MAPK14: variants seen among roughly 807,000 people sequenced by gnomAD.
MAPK14 encodes mitogen-activated protein kinase 14.
In MAPK14, 16 loss-of-function variants were observed where a neutral mutation model predicts 49.6. The observed-to-expected ratio is 0.32, with a 90% CI of 0.22 to 0.49. The LOEUF (loss-of-function observed/expected upper bound fraction) is 0.49, where lower values mean the gene tolerates loss of function less well. Ranked by LOEUF, MAPK14 falls within the 20% of genes least tolerant of loss-of-function variation. The pLI, the probability that MAPK14 is intolerant of heterozygous loss-of-function variation, is 0.99. For synonymous variants in MAPK14, 142 were observed against 158.0 expected, an observed-to-expected ratio of 0.90 and a Z score of 0.76; for missense variants, 200 against 441.2, an observed-to-expected ratio of 0.45 and a Z score of 4.90.
rs1562090295 is a variant in MAPK14, at chr6:36,028,790, C to CT, written c.116+517_116+518insT. On this transcript the variant is annotated intron_variant, in intron 1 of 11. Transcript: ENST00000229794. The surrounding 1 kb of genome is among the most constrained non-coding windows in gnomAD (Gnocchi z 5.1). ...GACCAGGAAGGGAGCTCTCTCCGGG[C>CT]CTTTTTTTTTTTTTTTTTTTTTCAA... Among the ~76,000 whole-genome samples the CT allele has an allele frequency of 1.5e-5, 2 of 137,478 alleles. No homozygotes were observed. Among genetic ancestry groups the CT allele is most frequent in the Admixed American group, 7.5e-5 (1 of 13,332 alleles). The allele number at this position is 137,478 out of a possible 152,430, so 90.2% of individuals were successfully genotyped here.
At chr6:36,080,549 A>C (rs1477665814) in intron 8 of MAPK14, among the ~76,000 whole-genome samples, 1 of 152,198 alleles carries the variant, frequency 6.6e-6, no homozygotes, top group African/African-American at 2.4e-5. Context: ...ATACTATTCC[A>C]TTGTAAGTAT....
chr6:36,102,980 C>A (rs1211196561), intron 10 of MAPK14, among the ~76,000 whole-genome samples: 1 of 152,154 alleles, frequency 6.6e-6, no homozygotes, highest in Non-Finnish European at 1.5e-5. Context: ...TTGCTCACAA[C>A]TGCTGTGGAT....
the MAPK14 span, among the ~76,000 whole-genome samples, chr6:36,122,561 A>G: frequency 6.6e-6 from 1 of 152,152 alleles, no homozygotes; most frequent in Non-Finnish European, 1.5e-5. Context: ...CAAAGCCCCT[A>G]CCCTCGCCAA....
rs964742069 is a variant in MAPK14 at position 36,100,000 on chromosome 6, C to T, written c.763-2571C>T. Among the ~76,000 whole-genome samples, 7 of 152,278 alleles carry T rather than the reference C, an allele frequency of 4.6e-5. No homozygotes were observed. In the South Asian group the frequency reaches 6.2e-4, roughly 14 times the overall value. On this transcript the variant is annotated intron_variant, in intron 9 of 11. Coordinates refer to ENST00000229794, the MANE Select transcript of MAPK14 (RefSeq NM_139012.3). ...TATCTGCATGGCCAGTCACTGGCTA[C>T]GTGCCTAGTTACTCATGTCATTCAC...
the MAPK14 span, among the ~76,000 whole-genome samples, chr6:36,117,017 T>TA: frequency 6.6e-6 from 1 of 152,238 alleles, no homozygotes; most frequent in South Asian, 2.1e-4. Flanking sequence ...AAAGAAAATT[T>TA]AAAAAAATTA....
In MAPK14 at chr6:36,075,971, C is replaced by A. The variant is rs201408793; in HGVS notation, c.610+9C>A. The stretch of plus-strand genomic sequence containing the variant: ...GCATTACAACCAGACAGGTATTACT[C>A]GCCTTGGTTATTTAGGGCCTTATTT... On this transcript the variant is annotated intron_variant, in intron 7 of 11. Transcript: ENST00000229794. 6.2e-7 allele frequency: 1 copy of A among 1,613,758 alleles called. No homozygotes were observed. The highest frequency in any genetic ancestry group is 8.5e-7 in the Non-Finnish European group (1 of 1,179,898).
In MAPK14 at chr6:36,090,728, T is replaced by G. The variant is rs993214577; in HGVS notation, c.683-5259T>G. Among the ~76,000 whole-genome samples, 188 of 152,312 alleles carry G rather than the reference T, an allele frequency of 1.2e-3. 2 individuals are homozygous for G. Among genetic ancestry groups the G allele is most frequent in the Admixed American group, 0.012 (187 of 15,298 alleles). ...TTTTAGTAGAGACAGGATTTTGCCATGTTGGCCAGCCTGGATGTTCTCTCA... is the reference window on the plus strand; with the variant it reads ...TTTTAGTAGAGACAGGATTTTGCCAGGTTGGCCAGCCTGGATGTTCTCTCA... On this transcript the variant is annotated intron_variant, in intron 8 of 11. Coordinates refer to ENST00000229794, the MANE Select transcript of MAPK14 (RefSeq NM_139012.3).
chr6:36,107,579 T>C lies in MAPK14; in HGVS notation c.966T>C (p.Pro322=). Residue 322 remains proline (P), a synonymous_variant, in exon 11 of 12, where the codon CCT becomes CCC. Transcript: ENST00000229794. This position sits in a 1 kb window ranked among gnomAD's most constrained non-coding sequence, Gnocchi z 4.3. Reference sequence around the variant, plus strand: ...CTGATGATGAACCAGTGGCCGATCCTTATGATCAGTCCTTTGAAAGCAGGG... The same window carrying C: ...CTGATGATGAACCAGTGGCCGATCCCTATGATCAGTCCTTTGAAAGCAGGG... The part of the protein sequence containing the change: ...HDPDDEPVAD[P]YDQSFESRDL... The C allele has an allele frequency of 6.2e-7, 1 of 1,604,650 alleles. No homozygotes were observed. The highest frequency in any genetic ancestry group is 8.5e-7 in the Non-Finnish European group (1 of 1,175,658).
intron 2 of MAPK14, among the ~76,000 whole-genome samples, chr6:36,057,754 G>T (rs1763642843): frequency 6.6e-6 from 1 of 152,072 alleles, no homozygotes; most frequent in South Asian, 2.1e-4. Context: ...TTGGATGAGT[G>T]GAGTAACATC....
chr6:36,030,686 CA>C (rs35145056), intron 1 of MAPK14, among the ~76,000 whole-genome samples: 47 of 118,356 alleles, frequency 4.0e-4, no homozygotes, highest in African/African-American at 6.2e-4. Flanking sequence ...GACGCCGTCT[CA>C]AAAAAAAAAA....
chr6:36,107,700 G>A lies in MAPK14; in HGVS notation c.1015+72G>A, dbSNP rs1765840453. The A allele has an allele frequency of 1.7e-6, 2 of 1,154,748 alleles. No homozygotes were observed. The highest frequency in any genetic ancestry group is 2.9e-5 in the Admixed American group (1 of 34,636). 71.5% of individuals were successfully genotyped at this position (1,154,748 alleles called of 1,614,324 possible). ...CGGTGGGAAAAATAAAAACTGAATG[G>A]TCATAACCAACTTGCTAAAGCTTGT... is the stretch of plus-strand genomic sequence containing the variant. On this transcript the variant is annotated intron_variant, in intron 11 of 11. Transcript: ENST00000229794. The surrounding 1 kb of genome is among the most constrained non-coding windows in gnomAD (Gnocchi z 4.3).
chr6:36,093,735 A>C (rs1034833974), intron 8 of MAPK14, among the ~76,000 whole-genome samples: 3 of 151,676 alleles, frequency 2.0e-5, no homozygotes, highest in Non-Finnish European at 2.9e-5. Context: ...AAAAAAAAAA[A>C]AAAAAAAACA....
At chr6:36,035,581 C>T (rs992926545) in intron 1 of MAPK14, among the ~76,000 whole-genome samples, 3 of 152,202 alleles carry the variant, frequency 2.0e-5, no homozygotes, top group Non-Finnish European at 4.4e-5. Flanking sequence ...GAAGGCATGT[C>T]GAAAACTGAG....
At position 36,108,593 on chromosome 6, in the gene MAPK14, A is replaced by T; in HGVS notation, c.*146A>T. 1 of 672,576 alleles carries T rather than the reference A, an allele frequency of 1.5e-6. No individual in the cohort carries two copies. The highest frequency in any genetic ancestry group is 2.7e-6 in the Non-Finnish European group (1 of 369,866). The allele number at this position is 672,576 out of a possible 1,614,324, so 41.7% of individuals were successfully genotyped here. A position where few individuals can be genotyped will look rare whatever the true frequency, so the allele number is the denominator to read the frequency against. On this transcript the variant is annotated 3_prime_UTR_variant, in exon 12 of 12. Transcript: ENST00000229794. ...GTGTGCGTGCGTGTGCGTGCGTGTT[A>T]GTGTGTGTGCATGTGTGTGTCTGTC... is the stretch of plus-strand genomic sequence containing the variant.
chr6:36,094,837 G>C (rs1450956855), intron 8 of MAPK14, among the ~76,000 whole-genome samples: 1 of 152,174 alleles, frequency 6.6e-6, no homozygotes, highest in Non-Finnish European at 1.5e-5. Context: ...ATGTTATCAA[G>C]CATGGTGCTG....
At chr6:36,089,927 C>T (rs537329716) in intron 8 of MAPK14, among the ~76,000 whole-genome samples, 1 of 152,340 alleles carries the variant, frequency 6.6e-6, no homozygotes, top group Non-Finnish European at 1.5e-5. Flanking sequence ...TACCGTTTTT[C>T]TACCAGAGAT....
rs549198446 is a variant in MAPK14, at chr6:36,087,003, A to G, written c.683-8984A>G. Reference sequence around the variant, plus strand: ...AGGCTGTTTTAACATATGCAAATCAATAAACATAATTGATCACATAAACAG... The same window carrying G: ...AGGCTGTTTTAACATATGCAAATCAGTAAACATAATTGATCACATAAACAG... On this transcript the variant is annotated intron_variant, in intron 8 of 11. Coordinates refer to ENST00000229794, the MANE Select transcript of MAPK14 (RefSeq NM_139012.3). 2.0e-5 allele frequency among the ~76,000 whole-genome samples: 3 copies of G among 152,386 alleles called. 1 individual carries two copies. In the South Asian group the frequency reaches 6.2e-4, roughly 32 times the overall value.
intron 1 of MAPK14, among the ~76,000 whole-genome samples, chr6:36,045,211 C>T (rs564244835): frequency 2.6e-5 from 4 of 151,994 alleles, no homozygotes; most frequent in African/African-American, 9.6e-5. Flanking sequence ...GGCCTTACGA[C>T]AGCAATCTGT....
chr6:36,122,405 G>C, the MAPK14 span, among the ~76,000 whole-genome samples: 2 of 152,212 alleles, frequency 1.3e-5, no homozygotes. Flanking sequence ...GGTGAGTTGG[G>C]CCTGCATATC....
Sources: gnomAD v4.1 joint callset for allele counts (sites outside exome capture counted in the v4.1 genomes callset) on GRCh38, gnomAD v4.1.1 for gene constraint, Gnocchi (gnomAD v3.1) non-coding constraint, MANE v1.5 for transcripts, NCBI Gene and HGNC (gene_info 2026-07-23, HGNC 2026-07-21) for gene names.